The following AP3D1 variants were observed in gnomAD, a reference collection of about 807,000 sequenced individuals.
AP3D1 encodes adaptor related protein complex 3 subunit delta 1.
In AP3D1, 51 loss-of-function variants were observed where a neutral mutation model predicts 147.6. The observed-to-expected ratio is 0.35, with a 90% CI of 0.28 to 0.44. The LOEUF is 0.44. Among genes scored for constraint, AP3D1 ranks in the 20% least tolerant of loss-of-function variants. The probability of loss-of-function intolerance (pLI) is 1.00; values close to 1 mark genes in which losing one functional copy is unlikely to be tolerated. For synonymous variants in AP3D1, 760 were observed against 663.0 expected (o/e 1.15, Z -2.25); for missense variants, 1,421 against 1,624.2 (o/e 0.87, Z 2.15).
intron 1 of AP3D1, among the ~76,000 whole-genome samples, chr19:2,161,833 C>T (rs2019700977): frequency 6.6e-6 from 1 of 151,952 alleles, no homozygotes; most frequent in Non-Finnish European, 1.5e-5. Context: ...CTTAGAATCC[C>T]AGCTACTTGG....
upstream of AP3D1, among the ~76,000 whole-genome samples, chr19:2,153,904 G>A (rs375498823): frequency 5.9e-5 from 5 of 84,880 alleles, no homozygotes; most frequent in African/African-American, 1.1e-4. Context: ...GCAGTGGCGC[G>A]ATCTCCGCTC....
intron 6 of AP3D1, 142 bp from the exon 7 acceptor site, chr19:2,129,599 T>C: frequency 9.6e-7 from 1 of 1,040,228 alleles, no homozygotes; most frequent in Non-Finnish European, 1.4e-6. Flanking sequence ...CTCCTCCTGG[T>C]GACAGGGACA....
upstream of AP3D1, among the ~76,000 whole-genome samples, chr19:2,155,910 C>G (rs947173025): frequency 5.3e-5 from 8 of 151,420 alleles, no homozygotes; most frequent in Non-Finnish European, 8.8e-5. Flanking sequence ...AAAATTAGCC[C>G]GGCTTGGTGG....
chr19:2,150,922 TC>T (rs1043552069), intron 1 of AP3D1, among the ~76,000 whole-genome samples: 1 of 151,812 alleles, frequency 6.6e-6, no homozygotes, highest in Non-Finnish European at 1.5e-5. Flanking sequence ...AAACTGAGGG[TC>T]CAGGGGGAGG....
At chr19:2,124,453 G>A (rs2018696431) in intron 9 of AP3D1, among the ~76,000 whole-genome samples, 1 of 152,178 alleles carries the variant, frequency 6.6e-6, no homozygotes, top group African/African-American at 2.4e-5. Flanking sequence ...CAGAGCCCCA[G>A]CTCTAACAGC....
chr19:2,164,349 C>T, intron 1 of AP3D1: 2 of 971,400 alleles, frequency 2.1e-6, no homozygotes, highest in Non-Finnish European at 2.6e-6. Flanking sequence ...CCCCAAGCCG[C>T]GCTCACCGGT....
chr19:2,147,914 G>A (rs937046536), intron 1 of AP3D1, among the ~76,000 whole-genome samples: 11 of 151,604 alleles, frequency 7.3e-5, no homozygotes, highest in Admixed American at 3.9e-4. Context: ...GCTGGGCACC[G>A]TGGCTCACAC....
At chr19:2,128,119 C>CA (rs1340621001) in intron 8 of AP3D1, among the ~76,000 whole-genome samples, 1 of 152,136 alleles carries the variant, frequency 6.6e-6, no homozygotes, top group African/African-American at 2.4e-5. Context: ...CTGCACCCCT[C>CA]CCCTTCCCTG....
chr19:2,113,132 G>T, intron 23 of AP3D1, 165 bp from the exon 24 acceptor site: 1 of 632,892 alleles, frequency 1.6e-6, no homozygotes, highest in Non-Finnish European at 2.7e-6. Context: ...AGAGGCCCTG[G>T]CTGTCCTCCC....
intron 6 of AP3D1, 49 bp downstream of exon 6, chr19:2,130,359 C>T (rs200696225): frequency 1.5e-4 from 236 of 1,610,624 alleles, no homozygotes; most frequent in Non-Finnish European, 1.7e-4. Flanking sequence ...CCCAGGGCAC[C>T]GGCTGAGCCC....
At chr19:2,119,590 C>CAG (rs2018553634) in intron 14 of AP3D1, among the ~76,000 whole-genome samples, 1 of 149,174 alleles carries the variant, frequency 6.7e-6, no homozygotes, top group Non-Finnish European at 1.5e-5. Flanking sequence ...CAGCTACTTG[C>CAG]GAGGCTGAGG....
intron 1 of AP3D1, among the ~76,000 whole-genome samples, chr19:2,150,623 A>G (rs1476084552): frequency 6.6e-6 from 1 of 152,010 alleles, no homozygotes; most frequent in East Asian, 1.9e-4. Context: ...GGGGCACTGG[A>G]GGCAACGCCC....
rs187619521 is a variant in AP3D1 at position 2,143,363 on chromosome 19, C to A, written c.97-4649G>T. Among the ~76,000 whole-genome samples the A allele has an allele frequency of 2.5e-3, 385 of 151,268 alleles. 3 individuals are homozygous for A. Among genetic ancestry groups the A allele is most frequent in the Middle Eastern group, 0.017 (5 of 294 alleles). ...TCATGCCATTCTCCTGCCTCAGCCT[C>A]CCAAGTAGCTGGGACTACAGGCGCC... On this transcript the variant is annotated intron_variant, in intron 1 of 31. Coordinates refer to ENST00000643116, the MANE Select transcript of AP3D1 (RefSeq NM_001261826.3).
At chr19:2,139,972 G>A (rs978868751) in intron 1 of AP3D1, among the ~76,000 whole-genome samples, 8 of 152,016 alleles carry the variant, frequency 5.3e-5, no homozygotes, top group African/African-American at 9.7e-5. Context: ...GAGTGGGGGG[G>A]TGGGGGAGGG....
chr19:2,108,904 G>T, intron 30 of AP3D1, 138 bp from the exon 31 acceptor site: 1 of 1,307,626 alleles, frequency 7.6e-7, no homozygotes, highest in Non-Finnish European at 1.0e-6. Context: ...GGCCCTGAGA[G>T]GCCTGGGGTG....
Position 2,116,668 on chromosome 19 carries a change from G to A in AP3D1, c.1938C>T (p.His646=), listed in dbSNP as rs554206520. The change falls in exon 17 of 32, where the codon CAC becomes CAT. Residue 646 remains histidine (H), a synonymous_variant. Coordinates refer to ENST00000643116, the MANE Select transcript of AP3D1 (RefSeq NM_001261826.3). ...SEDERPRAVF[H]EEEQRRPKHR... ...GCTTGGGACGCCGCTGCTCCTCCTCGTGGAAGACGGCCCTGGGCCTCTCGT... is the reference window on the plus strand; with the variant it reads ...GCTTGGGACGCCGCTGCTCCTCCTCATGGAAGACGGCCCTGGGCCTCTCGT... 4.4e-5 allele frequency: 71 copies of A among 1,607,754 alleles called. 1 individual carries two copies. The East Asian group carries it at 6.7e-4, about 15-fold the overall frequency.
chr19:2,157,861 A>T (rs570207405), intron 1 of AP3D1, among the ~76,000 whole-genome samples: 3 of 152,332 alleles, frequency 2.0e-5, no homozygotes, highest in Admixed American at 6.5e-5. Flanking sequence ...GTCAGGACAA[A>T]TGGAAGAGCT....
chr19:2,158,183 G>A (rs1271527137), intron 1 of AP3D1, among the ~76,000 whole-genome samples: 2 of 152,142 alleles, frequency 1.3e-5, no homozygotes, highest in African/African-American at 4.8e-5. Flanking sequence ...AGCCTTTCCA[G>A]TAGCTGGGAC....
chr19:2,111,668 G>T lies in AP3D1; in HGVS notation c.2937+11C>A. ...CCCGGCGTGGGGCGGGGGCGCTGAAGTACCCCTCACCGGGAGCTGCTCCTC... is the reference window on the plus strand; with the variant it reads ...CCCGGCGTGGGGCGGGGGCGCTGAATTACCCCTCACCGGGAGCTGCTCCTC... On this transcript the variant is annotated intron_variant, in intron 25 of 31. Transcript: ENST00000643116. 1 of 1,579,744 alleles carries T rather than the reference G, an allele frequency of 6.3e-7. No homozygotes were observed.
Sources: gnomAD v4.1 joint callset for allele counts (sites outside exome capture counted in the v4.1 genomes callset) on GRCh38, gnomAD v4.1.1 for gene constraint, MANE v1.5 for transcripts, NCBI Gene and HGNC (gene_info 2026-07-23, HGNC 2026-07-21) for gene names.